The following JAK1 variants were observed in gnomAD, a reference collection of about 807,000 sequenced individuals.
JAK1 encodes Janus kinase 1.
Under a neutral mutation model 136.6 loss-of-function variants are expected in JAK1, and 16 were observed. That is an observed-to-expected ratio of 0.12 (90% CI 0.08 to 0.18). JAK1 has a LOEUF of 0.18. JAK1 is among the 10% of genes least tolerant of loss of function. JAK1 has a pLI of 1.00. For synonymous variants in JAK1, 492 were observed against 519.5 expected (o/e 0.95, Z 0.72); for missense variants, 859 against 1,450.1 (o/e 0.59, Z 6.62).
intron 2 of JAK1, among the ~76,000 whole-genome samples, chr1:65,014,428 AAG>A (rs1176677431): frequency 2.0e-5 from 3 of 151,300 alleles, no homozygotes; most frequent in African/African-American, 4.9e-5. Flanking sequence ...AAAAGAAAGA[AAG>A]AGAGAATGGG....
chr1:65,008,630 C>T (rs899329228), intron 2 of JAK1, among the ~76,000 whole-genome samples: 5 of 151,818 alleles, frequency 3.3e-5, no homozygotes, highest in Non-Finnish European at 5.9e-5. Flanking sequence ...TCCCCTTCCC[C>T]TTCCCCTTCC....
chr1:65,018,410 C>G (rs1646907512), intron 2 of JAK1, among the ~76,000 whole-genome samples: 1 of 148,900 alleles, frequency 6.7e-6, no homozygotes, highest in African/African-American at 2.5e-5. Context: ...TTTGAGAAGA[C>G]TAAAAAAGGT....
intron 3 of JAK1, among the ~76,000 whole-genome samples, chr1:64,881,228 C>T (rs1644767337): frequency 6.8e-6 from 1 of 147,886 alleles, no homozygotes; most frequent in African/African-American, 2.5e-5. Flanking sequence ...AACCACTGCA[C>T]TCCAGTCTAG....
intron 2 of JAK1, among the ~76,000 whole-genome samples, chr1:65,024,233 A>G (rs1476674974): frequency 6.6e-6 from 1 of 152,146 alleles, no homozygotes. Context: ...GCAAGGTACA[A>G]GGGTTCTAAT....
At chr1:64,875,548 C>T (rs1317964604) in intron 4 of JAK1, among the ~76,000 whole-genome samples, 1 of 152,196 alleles carries the variant, frequency 6.6e-6, no homozygotes, top group African/African-American at 2.4e-5. Flanking sequence ...CAGGGAGTAG[C>T]AATTAACATG....
At chr1:65,023,949 G>A (rs1031265938) in intron 2 of JAK1, among the ~76,000 whole-genome samples, 14 of 136,396 alleles carry the variant, frequency 1.0e-4, no homozygotes, top group Admixed American at 3.9e-4. Context: ...CCAGTGGCTC[G>A]TTCCTTTTAT....
intron 1 of JAK1, among the ~76,000 whole-genome samples, chr1:64,950,814 T>C (rs1646072047): frequency 6.6e-6 from 1 of 152,210 alleles, no homozygotes; most frequent in Non-Finnish European, 1.5e-5. Flanking sequence ...TTCTGTACCA[T>C]TTTATCGCTC....
At chr1:65,046,070 G>A (rs1441808728) in intron 1 of JAK1, among the ~76,000 whole-genome samples, 1 of 152,194 alleles carries the variant, frequency 6.6e-6, no homozygotes, top group Admixed American at 6.5e-5. Context: ...TCAATAAGTG[G>A]TCACTCTTTT....
At chr1:64,961,636 CT>C (rs1646284656) in intron 1 of JAK1, among the ~76,000 whole-genome samples, 1 of 152,160 alleles carries the variant, frequency 6.6e-6, no homozygotes, top group Admixed American at 6.5e-5. Flanking sequence ...AAGTCTGCCA[CT>C]GACACCACGT....
At position 64,836,106 on chromosome 1, in the gene JAK1, G is replaced by C. The variant is rs2100933338; in HGVS notation, c.3250C>G (p.Pro1084Ala). The change falls in exon 23 of 25, where the codon CCC (proline) becomes GCC (alanine). Residue 1084 changes from proline (P) to alanine (A), a missense_variant. Pro to Ala is a conservative substitution (Grantham distance 27, BLOSUM62 -1). Coordinates refer to ENST00000342505, the MANE Select transcript of JAK1 (RefSeq NM_002227.4). ...AGAAAAGTAGGACTTACAGCCATGG[G>C]ACTAGAATCTGAATCACAGTAAGTC... is the stretch of plus-strand genomic sequence containing the variant. ...LLTYCDSDSS[P>A]MALFLKMIGP... 2 of 1,576,772 alleles carry C rather than the reference G, an allele frequency of 1.3e-6. No homozygotes were observed. Among genetic ancestry groups the C allele is most frequent in the Non-Finnish European group, 1.7e-6 (2 of 1,146,016 alleles).
At chr1:65,028,402 G>C (rs1008622476) in intron 2 of JAK1, among the ~76,000 whole-genome samples, 2 of 146,124 alleles carry the variant, frequency 1.4e-5, no homozygotes, top group Admixed American at 7.1e-5. Flanking sequence ...TCTATCCCTA[G>C]CACCCAGAAT....
At chr1:64,880,695 G>A (rs1182655524) in intron 3 of JAK1, among the ~76,000 whole-genome samples, 1 of 152,208 alleles carries the variant, frequency 6.6e-6, no homozygotes, top group Non-Finnish European at 1.5e-5. Flanking sequence ...GCCGGGCAAA[G>A]TGGCTCAGGC....
At chr1:64,958,207 G>A (rs1292992395) in intron 1 of JAK1, among the ~76,000 whole-genome samples, 1 of 152,172 alleles carries the variant, frequency 6.6e-6, no homozygotes, top group Non-Finnish European at 1.5e-5. Context: ...ATGGTAGGTG[G>A]CCTGCTTCCT....
chr1:64,892,912 A>T (rs1213186119), intron 1 of JAK1, among the ~76,000 whole-genome samples: 1 of 152,150 alleles, frequency 6.6e-6, no homozygotes, highest in African/African-American at 2.4e-5. Context: ...GCATGCCAAA[A>T]ATCTTACAAT....
Position 64,883,446 on chromosome 1 carries a change from G to C in JAK1, c.36C>G (p.Ala12=). ...QYLNIKEDCN[A]MAFCAKMRSS... ...TCCTCATTTTAGCACAGAAAGCCAT[G>C]GCATTGCAGTCCTCTTTTATATTTA... Residue 12 remains alanine (A), a synonymous_variant, in exon 3 of 25, where the codon GCC becomes GCG. Coordinates refer to ENST00000342505, the MANE Select transcript of JAK1 (RefSeq NM_002227.4). The C allele has an allele frequency of 6.2e-7, 1 of 1,614,054 alleles. No individual in the cohort carries two copies. The highest frequency in any genetic ancestry group is 8.5e-7 in the Non-Finnish European group (1 of 1,179,936).
intron 1 of JAK1, among the ~76,000 whole-genome samples, chr1:64,889,022 A>G (rs74080802): frequency 6.6e-6 from 1 of 152,354 alleles, no homozygotes; most frequent in African/African-American, 2.4e-5. Context: ...CTCATTCAGG[A>G]TGACAAGCGG....
chr1:64,951,889 C>G (rs12023040), intron 1 of JAK1, among the ~76,000 whole-genome samples: 80,911 of 151,824 alleles, frequency 0.53, 25,526 homozygotes, highest in Non-Finnish European at 0.72. Context: ...CGAATCCTGA[C>G]CTCGTGATCC....
intron 22 of JAK1, among the ~76,000 whole-genome samples, chr1:64,836,493 A>G (rs1266014042): frequency 6.6e-6 from 1 of 152,008 alleles, no homozygotes; most frequent in East Asian, 1.9e-4. Flanking sequence ...CTCTCAGGGT[A>G]TGGGAGGAGG....
At chr1:65,022,031 G>A (rs1646942481) in intron 2 of JAK1, among the ~76,000 whole-genome samples, 2 of 152,140 alleles carry the variant, frequency 1.3e-5, no homozygotes, top group African/African-American at 4.8e-5. Flanking sequence ...AAGGGAGGGA[G>A]GAATACACAG....
Sources: gnomAD v4.1 joint callset for allele counts (sites outside exome capture counted in the v4.1 genomes callset) on GRCh38, gnomAD v4.1.1 for gene constraint, MANE v1.5 for transcripts, NCBI Gene and HGNC (gene_info 2026-07-23, HGNC 2026-07-21) for gene names.